AFAP1L1: variants seen among roughly 807,000 people sequenced by gnomAD.
The protein encoded by AFAP1L1 is actin filament-associated protein 1-like 1.
In AFAP1L1, 77 loss-of-function variants were observed where a neutral mutation model predicts 99.8. The ratio of observed to expected loss-of-function variants is 0.77; its 90% confidence interval spans 0.64 to 0.93. AFAP1L1 has a LOEUF of 0.93. Ranked by LOEUF, AFAP1L1 falls within the 40% of genes least tolerant of loss-of-function variation. The probability of loss-of-function intolerance (pLI) is 0.00; values close to 1 mark genes in which losing one functional copy is unlikely to be tolerated. For missense variants in AFAP1L1, 893 were observed against 996.8 expected, an observed-to-expected ratio of 0.90 and a Z score of 1.40; for synonymous variants, 373 against 395.3, an observed-to-expected ratio of 0.94 and a Z score of 0.67.
intron 1 of AFAP1L1, among the ~76,000 whole-genome samples, chr5:149,273,043 A>G (rs572631532): frequency 7.9e-5 from 12 of 151,954 alleles, no homozygotes; most frequent in African/African-American, 2.7e-4. Context: ...GCCTTTGGCA[A>G]TGGCCAGATG....
Position 149,342,038 on chromosome 5 carries a change from C to T in AFAP1L1, c.*2008C>T, listed in dbSNP as rs1478429008. ...TAATTAACATTTATCAAGCACTCAC[C>T]ATATGTCAGGCACTGTGTCAGCCAT... On this transcript the variant is annotated 3_prime_UTR_variant, in exon 19 of 19. Coordinates refer to ENST00000296721, the MANE Select transcript of AFAP1L1 (RefSeq NM_152406.4). Among the ~76,000 whole-genome samples the T allele has an allele frequency of 6.6e-6, 1 of 152,110 alleles. No homozygotes were observed. Among genetic ancestry groups the T allele is most frequent in the East Asian group, 1.9e-4 (1 of 5,180 alleles).
intron 8 of AFAP1L1, among the ~76,000 whole-genome samples, chr5:149,311,826 A>G (rs1427253792): frequency 1.3e-5 from 2 of 152,350 alleles, no homozygotes; most frequent in African/African-American, 4.8e-5. Flanking sequence ...AGATGTGGAC[A>G]CTGAGGCCCA....
intron 1 of AFAP1L1, among the ~76,000 whole-genome samples, chr5:149,289,429 C>T (rs199990458): frequency 6.0e-4 from 91 of 152,098 alleles, no homozygotes; most frequent in African/African-American, 1.8e-3. Flanking sequence ...AGTACTAAGA[C>T]GAAGGCATTG....
Position 149,340,259 on chromosome 5 carries a change from A to C in AFAP1L1, c.*229A>C. The C allele has an allele frequency of 1.9e-6, 1 of 530,076 alleles. No individual in the cohort carries two copies. The highest frequency in any genetic ancestry group is 3.0e-5 in the East Asian group (1 of 33,630). The allele number at this position is 530,076 out of a possible 1,614,324, so 32.8% of individuals were successfully genotyped here. ...ATCCTTATGACTTTACAAAGGGTGG[A>C]AATGAGGATGGAGGGATACAGAAGT... On this transcript the variant is annotated 3_prime_UTR_variant, in exon 19 of 19. Transcript: ENST00000296721.
At chr5:149,281,910 A>T (rs1368897446) in intron 1 of AFAP1L1, among the ~76,000 whole-genome samples, 1 of 152,212 alleles carries the variant, frequency 6.6e-6, no homozygotes, top group East Asian at 1.9e-4. Context: ...ATGAGGGGGT[A>T]TAGCCGGGCA....
At chr5:149,318,013 G>A in intron 12 of AFAP1L1, 73 bp downstream of exon 12, 2 of 1,501,930 alleles carry the variant, frequency 1.3e-6, no homozygotes, top group African/African-American at 1.4e-5. Flanking sequence ...TTTTTGTTTG[G>A]GGGAGCCCTT....
At position 149,322,616 on chromosome 5, in the gene AFAP1L1, C is replaced by T; in HGVS notation, c.1709C>T (p.Pro570Leu). 1 of 1,576,452 alleles carries T rather than the reference C, an allele frequency of 6.3e-7. No individual in the cohort carries two copies. The highest frequency in any genetic ancestry group is 8.6e-7 in the Non-Finnish European group (1 of 1,159,760). Residue 570 changes from proline (P) to leucine (L), a missense_variant, in exon 15 of 19, where the codon CCC becomes CTC. Pro to Leu is a moderately conservative substitution (Grantham distance 98). Coordinates refer to ENST00000296721, the MANE Select transcript of AFAP1L1 (RefSeq NM_152406.4). ...TCCATCTCCCACCAGGACGAGGAGC[C>T]CGAGCGCCCCACAGGGGCCCAGGTG... is the stretch of plus-strand genomic sequence containing the variant. ...VPYEKMQDEE[P>L]ERPTGAQVKR...
At chr5:149,272,089 C>T (rs899842223) in intron 1 of AFAP1L1, 105 bp downstream of exon 1, 3 of 376,318 alleles carry the variant, frequency 8.0e-6, no homozygotes, top group Admixed American at 6.0e-5. Flanking sequence ...GGCGGTGGGG[C>T]GGGGGCTGAG....
chr5:149,271,989 G>A lies in AFAP1L1; in HGVS notation c.16+5G>A, dbSNP rs1489081502. On this transcript the variant is annotated splice_donor_5th_base_variant and intron_variant, in intron 1 of 18. Transcript: ENST00000296721. Reference sequence around the variant, plus strand: ...GCGCCATGGACCGAGGCCAGGGTAAGAGGGGCCGCGACGCCCGCACTTGTT... The same window carrying A: ...GCGCCATGGACCGAGGCCAGGGTAAAAGGGGCCGCGACGCCCGCACTTGTT... 8.1e-7 allele frequency: 1 copy of A among 1,238,802 alleles called. No individual in the cohort carries two copies. The highest frequency in any genetic ancestry group is 1.6e-5 in the African/African-American group (1 of 64,372). The allele number at this position is 1,238,802 out of a possible 1,614,324, so 76.7% of individuals were successfully genotyped here.
chr5:149,311,572 T>G (rs1756632228), intron 8 of AFAP1L1, among the ~76,000 whole-genome samples: 1 of 152,234 alleles, frequency 6.6e-6, no homozygotes, highest in South Asian at 2.1e-4. Context: ...AAATGGTAGC[T>G]GTGATTATTC....
In AFAP1L1 at chr5:149,342,714, C is replaced by T. The variant is rs1035888969; in HGVS notation, c.*2684C>T. On this transcript the variant is annotated 3_prime_UTR_variant, in exon 19 of 19. Transcript: ENST00000296721. ...ATCACTTGAGGTCAGGAGTTCAAGA[C>T]CAGCCTGGCCAACATGGCAAAACCC... Among the ~76,000 whole-genome samples, 3 of 152,190 alleles carry T rather than the reference C, an allele frequency of 2.0e-5. No homozygotes were observed. Among genetic ancestry groups the T allele is most frequent in the African/African-American group, 7.2e-5 (3 of 41,444 alleles).
chr5:149,316,149 A>C lies in AFAP1L1; in HGVS notation c.1115-2A>C, dbSNP rs745844495. 6.2e-7 allele frequency: 1 copy of C among 1,612,140 alleles called. No homozygotes were observed. Among genetic ancestry groups the C allele is most frequent in the Admixed American group, 1.7e-5 (1 of 59,962 alleles). On this transcript the variant is annotated splice_acceptor_variant, in intron 10 of 18. Coordinates refer to ENST00000296721, the MANE Select transcript of AFAP1L1 (RefSeq NM_152406.4). LOFTEE classifies it high-confidence loss of function. ...CACTCCCCTGACCCATTTCCCCAACAGGCAAAGGGAAGAAGAGCAGCCTGG... is the reference window on the plus strand; with the variant it reads ...CACTCCCCTGACCCATTTCCCCAACCGGCAAAGGGAAGAAGAGCAGCCTGG...
At chr5:149,301,716 A>C (rs1756220880) in intron 4 of AFAP1L1, among the ~76,000 whole-genome samples, 1 of 152,186 alleles carries the variant, frequency 6.6e-6, no homozygotes, top group Non-Finnish European at 1.5e-5. Flanking sequence ...ACTGGACCAG[A>C]TATAGGATGC....
At chr5:149,280,828 C>G (rs1404970230) in intron 1 of AFAP1L1, among the ~76,000 whole-genome samples, 3 of 152,190 alleles carry the variant, frequency 2.0e-5, no homozygotes, top group Admixed American at 2.0e-4. Context: ...CTTCCCTCCC[C>G]TGCCCTCCAC....
intron 11 of AFAP1L1, among the ~76,000 whole-genome samples, chr5:149,317,008 T>C (rs1172943283): frequency 1.3e-5 from 2 of 151,916 alleles, no homozygotes; most frequent in South Asian, 2.1e-4. Context: ...CTACCAAAAA[T>C]ACAAAAATTA....
At chr5:149,279,777 G>A (rs768744289) in intron 1 of AFAP1L1, among the ~76,000 whole-genome samples, 4 of 151,708 alleles carry the variant, frequency 2.6e-5, no homozygotes, top group Non-Finnish European at 5.9e-5. Flanking sequence ...CCTGCTCCTT[G>A]CAGCTTTGAA....
rs921010439 is a variant in AFAP1L1 at position 149,320,135 on chromosome 5, G to A, written c.1626-256G>A. ...CTTGCACTGGTTGCTTGCCATCTCG[G>A]ATCTCTGTTTTCTGACTCATAGAAT... On this transcript the variant is annotated intron_variant, in intron 13 of 18. Transcript: ENST00000296721. The surrounding 1 kb of genome is among the most constrained non-coding windows in gnomAD (Gnocchi z 4.0). Among the ~76,000 whole-genome samples the A allele has an allele frequency of 1.3e-5, 2 of 152,300 alleles. No individual in the cohort carries two copies. The highest frequency in any genetic ancestry group is 4.8e-5 in the African/African-American group (2 of 41,572).
At position 149,316,222 on chromosome 5, in the gene AFAP1L1, C is replaced by T. The variant is rs200946146; in HGVS notation, c.1186C>T (p.Arg396Cys). 1.1e-5 allele frequency: 17 copies of T among 1,614,112 alleles called. No individual in the cohort carries two copies. The East Asian group carries it at 1.1e-4, about 11-fold the overall frequency. ...CAGGGCTGCGGGCCGCAAGATCACC[C>T]GTATCATTGGCTTCTCCAAGAAGAA... ...MSRAAGRKITRIIGFSKKKTL... is the reference protein window; with the variant it reads ...MSRAAGRKITCIIGFSKKKTL... The change falls in exon 11 of 19, where the codon CGT becomes TGT. Residue 396 changes from arginine to cysteine, a missense_variant. Coordinates refer to ENST00000296721, the MANE Select transcript of AFAP1L1 (RefSeq NM_152406.4).
rs758155865 is a variant in AFAP1L1, at chr5:149,316,311, C to A, written c.1267+8C>A. On this transcript the variant is annotated splice_region_variant and intron_variant, in intron 11 of 18. Coordinates refer to ENST00000296721, the MANE Select transcript of AFAP1L1 (RefSeq NM_152406.4). ...AGGAGGTTCCCTGCTGTGGTGGGTC[C>A]AGGGCACGGGGAGGAAGGGTGCTCA... 4 of 1,612,348 alleles carry A rather than the reference C, an allele frequency of 2.5e-6. No individual in the cohort carries two copies. The East Asian group carries it at 8.9e-5, about 36-fold the overall frequency.
Sources: allele counts gnomAD v4.1 joint callset (sites outside exome capture counted in the v4.1 genomes callset), GRCh38; gene constraint gnomAD v4.1.1; non-coding constraint Gnocchi (gnomAD v3.1); transcripts MANE v1.5; gene names NCBI Gene and HGNC (gene_info 2026-07-23, HGNC 2026-07-21).